Variants in TRIM9 observed in about 807,000 individuals in gnomAD.
TRIM9 encodes E3 ubiquitin-protein ligase TRIM9.
Under a neutral mutation model 78.3 loss-of-function variants are expected in TRIM9, and 26 were observed. That is an observed-to-expected ratio of 0.33 (90% confidence interval 0.24 to 0.46). The LOEUF (loss-of-function observed/expected upper bound fraction) is 0.46. Ranked by LOEUF, TRIM9 falls within the 20% of genes least tolerant of loss-of-function variation. TRIM9 has a pLI of 1.00. For missense variants in TRIM9, 787 were observed against 1,036.4 expected, an observed-to-expected ratio of 0.76 and a Z score of 3.30; for synonymous variants, 398 against 416.5, an observed-to-expected ratio of 0.96 and a Z score of 0.54.
intron 1 of TRIM9, among the ~76,000 whole-genome samples, chr14:51,049,651 C>T (rs139757771): frequency 1.3e-5 from 2 of 151,912 alleles, no homozygotes; most frequent in East Asian, 1.9e-4. Context: ...AATGGTGAAA[C>T]GCCATCTCTA....
At chr14:51,021,632 A>G (rs906516369) in intron 3 of TRIM9, among the ~76,000 whole-genome samples, 1 of 152,260 alleles carries the variant, frequency 6.6e-6, no homozygotes, top group South Asian at 2.1e-4. Context: ...TCCTAATGCC[A>G]TATCAACACT....
intron 1 of TRIM9, among the ~76,000 whole-genome samples, chr14:51,062,976 A>G (rs2061463576): frequency 6.6e-6 from 1 of 152,212 alleles, no homozygotes; most frequent in South Asian, 2.1e-4. Context: ...TAGAAAATGA[A>G]ATCCATAGTT....
At chr14:50,985,294 T>C (rs901537234) in intron 8 of TRIM9, among the ~76,000 whole-genome samples, 20 of 152,156 alleles carry the variant, frequency 1.3e-4, no homozygotes, top group Non-Finnish European at 2.4e-4. Flanking sequence ...CATTAGGCAT[T>C]AGGAGTTAAG....
At chr14:51,010,308 G>A (rs2056415960) in intron 4 of TRIM9, 76 bp downstream of exon 4, 1 of 1,196,692 alleles carries the variant, frequency 8.4e-7, no homozygotes, top group South Asian at 1.3e-5. Flanking sequence ...AGGGCTGTTG[G>A]AAGTCTGACT....
intron 2 of TRIM9, 69 bp from the exon 3 acceptor site, chr14:51,023,026 T>G: frequency 6.3e-7 from 1 of 1,594,618 alleles, no homozygotes; most frequent in Non-Finnish European, 8.5e-7. Context: ...AAAACAGAGC[T>G]CCCCCATCCT....
chr14:51,094,728 T>A lies in TRIM9; in HGVS notation c.212A>T (p.Tyr71Phe), dbSNP rs2064772955. 6.4e-7 allele frequency: 1 copy of A among 1,551,018 alleles called. No individual in the cohort carries two copies. Among genetic ancestry groups the A allele is most frequent in the African/African-American group, 1.4e-5 (1 of 72,982 alleles). Residue 71 changes from tyrosine to phenylalanine, a missense_variant, in exon 1 of 13, where the codon TAC (tyrosine) becomes TTC (phenylalanine). Physicochemically the swap from Tyr to Phe is conservative, Grantham distance 22. This residue lies in a region of TRIM9 where 352 missense variants were observed against 472.3 expected (regional missense o/e 0.75). Coordinates refer to ENST00000684578, the MANE Select transcript of TRIM9 (RefSeq NM_001387360.1). ...DYLDLDKMSL[Y>F]SEADSGYGSY... ...GCCATAGCCGCTGTCCGCCTCGCTG[T>A]ATAGGCTCATCTTGTCCAGGTCCAG...
intron 1 of TRIM9, among the ~76,000 whole-genome samples, chr14:51,072,268 A>G (rs572976361): frequency 1.3e-5 from 2 of 152,232 alleles, no homozygotes; most frequent in South Asian, 4.2e-4. Flanking sequence ...TTATTATTTT[A>G]CTACATTAAA....
At chr14:50,990,266 C>A (rs1440033176) in intron 7 of TRIM9, among the ~76,000 whole-genome samples, 1 of 152,182 alleles carries the variant, frequency 6.6e-6, no homozygotes, top group Non-Finnish European at 1.5e-5. Context: ...AGTCCTCCCA[C>A]CTCAGCCTCC....
chr14:51,086,015 C>T (rs964456453), intron 1 of TRIM9, among the ~76,000 whole-genome samples: 1 of 152,176 alleles, frequency 6.6e-6, no homozygotes, highest in African/African-American at 2.4e-5. Context: ...TTTCCTCATG[C>T]ACCACAATTT....
Position 51,094,472 on chromosome 14 carries a change from G to A in TRIM9, c.468C>T (p.Asp156=), listed in dbSNP as rs1181314912. 1.9e-6 allele frequency: 3 copies of A among 1,613,774 alleles called. No individual in the cohort carries two copies. In the Admixed American group the frequency reaches 5.0e-5, roughly 27 times the overall value. The change falls in exon 1 of 13, where the codon GAC becomes GAT. Residue 156 remains aspartate, a synonymous_variant. Coordinates refer to ENST00000684578, the MANE Select transcript of TRIM9 (RefSeq NM_001387360.1). The part of the protein sequence containing the change: ...PKNRVLEGVI[D]RYQQSKAAAL... Reference sequence around the variant, plus strand: ...CCGCGGCTTTGCTCTGCTGGTAGCGGTCAATTACCCCTTCCAGTACGCGAT... The same window carrying A: ...CCGCGGCTTTGCTCTGCTGGTAGCGATCAATTACCCCTTCCAGTACGCGAT...
At chr14:51,078,496 T>G (rs1320470206) in intron 1 of TRIM9, among the ~76,000 whole-genome samples, 1 of 152,054 alleles carries the variant, frequency 6.6e-6, no homozygotes, top group East Asian at 1.9e-4. Context: ...TATAAATACA[T>G]ATATACACAA....
chr14:51,080,621 G>A (rs986929865), intron 1 of TRIM9, among the ~76,000 whole-genome samples: 3 of 152,190 alleles, frequency 2.0e-5, no homozygotes, highest in East Asian at 1.9e-4. Context: ...AGAGGGTTGA[G>A]CAAATGATCT....
intron 5 of TRIM9, among the ~76,000 whole-genome samples, chr14:51,004,736 T>C (rs1188940044): frequency 6.6e-6 from 1 of 152,186 alleles, no homozygotes; most frequent in Admixed American, 6.5e-5. Context: ...TTACAGCTAG[T>C]AAGTGGCAGG....
intron 1 of TRIM9, among the ~76,000 whole-genome samples, chr14:51,087,450 T>C (rs966193521): frequency 1.3e-5 from 2 of 152,232 alleles, no homozygotes; most frequent in Admixed American, 6.5e-5. Context: ...TGCTTAGGTT[T>C]CTTGGGTAAT....
Position 50,975,859 on chromosome 14 carries a change from T to C in TRIM9, c.*1432A>G, listed in dbSNP as rs948943161. ...GGTAACCTATGTAAGTCTATCTCTATATAGAAGTAAGATGCATTATTATTC... is the reference window on the plus strand; with the variant it reads ...GGTAACCTATGTAAGTCTATCTCTACATAGAAGTAAGATGCATTATTATTC... On this transcript the variant is annotated 3_prime_UTR_variant, in exon 13 of 13. Coordinates refer to ENST00000684578, the MANE Select transcript of TRIM9 (RefSeq NM_001387360.1). 1 of 152,662 alleles carries C rather than the reference T, an allele frequency of 6.6e-6. No homozygotes were observed. Among genetic ancestry groups the C allele is most frequent in the African/African-American group, 2.4e-5 (1 of 41,466 alleles). The allele number at this position is 152,662 out of a possible 1,614,324, so 9.5% of individuals were successfully genotyped here. A position where few individuals can be genotyped will look rare whatever the true frequency, so the allele number is the denominator to read the frequency against.
chr14:51,089,648 C>A lies in TRIM9; in HGVS notation c.822+4470G>T, dbSNP rs576889522. ...AGCTTACTTAGAGAAAAACAGAATACTTTTGTTTAATATATAAATCTTTGT... is the reference window on the plus strand; with the variant it reads ...AGCTTACTTAGAGAAAAACAGAATAATTTTGTTTAATATATAAATCTTTGT... On this transcript the variant is annotated intron_variant, in intron 1 of 12. Coordinates refer to ENST00000684578, the MANE Select transcript of TRIM9 (RefSeq NM_001387360.1). 7.9e-5 allele frequency among the ~76,000 whole-genome samples: 12 copies of A among 152,274 alleles called. No homozygotes were observed. The East Asian group carries it at 1.9e-3, about 24-fold the overall frequency.
intron 1 of TRIM9, among the ~76,000 whole-genome samples, chr14:51,028,862 G>A (rs1163290378): frequency 6.6e-6 from 1 of 152,218 alleles, no homozygotes; most frequent in South Asian, 2.1e-4. Flanking sequence ...CTGAAGGAGA[G>A]AAACAAAGAA....
chr14:51,087,027 G>A (rs144985117), intron 1 of TRIM9, among the ~76,000 whole-genome samples: 232 of 152,160 alleles, frequency 1.5e-3, no homozygotes, highest in African/African-American at 5.0e-3. Flanking sequence ...GTGGGGGGAG[G>A]TGGCGGGCAC....
At chr14:51,058,211 T>C (rs61985053) in intron 1 of TRIM9, among the ~76,000 whole-genome samples, 41,611 of 152,086 alleles carry the variant, frequency 0.27, 6,176 homozygotes, top group African/African-American at 0.38. Context: ...CATTACAGGA[T>C]GGCACAATCA....
Sources: gnomAD v4.1 joint callset for allele counts (sites outside exome capture counted in the v4.1 genomes callset) on GRCh38, gnomAD v4.1.1 for gene constraint, gnomAD v4.1.1 regional missense constraint, MANE v1.5 for transcripts, NCBI Gene and HGNC (gene_info 2026-07-23, HGNC 2026-07-21) for gene names.